NRXN1: variants seen among roughly 807,000 people sequenced by gnomAD.
NRXN1 encodes the protein neurexin 1.
In NRXN1, 39 loss-of-function variants were observed where a neutral mutation model predicts 150.9. The observed-to-expected ratio is 0.26, with a 90% CI of 0.20 to 0.34. NRXN1 has a LOEUF of 0.34. Ranked by LOEUF, NRXN1 falls within the 10% of genes least tolerant of loss-of-function variation. The pLI is 1.00. For synonymous variants in NRXN1, 924 were observed against 757.0 expected, an observed-to-expected ratio of 1.22 and a Z score of -3.62; for missense variants, 1,815 against 1,949.9, an observed-to-expected ratio of 0.93 and a Z score of 1.30.
At chr2:50,225,945 T>C (rs1019844424) in intron 18 of NRXN1, among the ~76,000 whole-genome samples, 3 of 151,978 alleles carry the variant, frequency 2.0e-5, no homozygotes, top group African/African-American at 2.4e-5. Context: ...ATGTGATATG[T>C]GGTATACTAA....
intron 22 of NRXN1, among the ~76,000 whole-genome samples, chr2:49,927,551 A>T (rs890912833): frequency 1.3e-5 from 2 of 152,194 alleles, no homozygotes; most frequent in African/African-American, 4.8e-5. Context: ...AATGTTAATA[A>T]ATTTTTCCAA....
intron 21 of NRXN1, among the ~76,000 whole-genome samples, chr2:50,001,447 G>C (rs557020963): frequency 6.6e-6 from 1 of 152,126 alleles, no homozygotes; most frequent in South Asian, 2.1e-4. Flanking sequence ...AGTATGTAAA[G>C]CATTTAGGGG....
At chr2:49,962,676 G>A (rs981055752) in intron 21 of NRXN1, among the ~76,000 whole-genome samples, 1 of 152,060 alleles carries the variant, frequency 6.6e-6, no homozygotes, top group South Asian at 2.1e-4. Context: ...TGATTGTGGT[G>A]GTGGTTACAA....
At chr2:50,981,841 GTA>G (rs1387637369) in intron 2 of NRXN1, among the ~76,000 whole-genome samples, 156 of 113,936 alleles carry the variant, frequency 1.4e-3, no homozygotes, top group East Asian at 6.1e-3. Flanking sequence ...GTGTGTGTGT[GTA>G]TGTGTGTGTG....
intron 5 of NRXN1, chr2:50,656,271 C>T (rs1411717041): frequency 5.9e-6 from 4 of 673,960 alleles, no homozygotes; most frequent in Middle Eastern, 3.5e-4. Flanking sequence ...TCAAAACCCA[C>T]CCATGAGAAA....
chr2:50,008,249 C>G lies in NRXN1; in HGVS notation c.4128+45022G>C, dbSNP rs181720084. On this transcript the variant is annotated intron_variant, in intron 21 of 22. Transcript: ENST00000401669. ...ATCTCCTAAGCAAGAGTGATTGGAC[C>G]CATGATGAATTCAGTTTCTAATGAA... 4.6e-3 allele frequency among the ~76,000 whole-genome samples: 706 copies of G among 152,104 alleles called. 29 individuals are homozygous for G. The highest frequency in any genetic ancestry group is 0.041 in the Admixed American group (626 of 15,264).
intron 21 of NRXN1, among the ~76,000 whole-genome samples, chr2:50,008,127 C>T (rs570864381): frequency 6.5e-4 from 99 of 152,194 alleles, no homozygotes; most frequent in African/African-American, 2.3e-3. Context: ...TTATTAATTT[C>T]GTCTCCCCAA....
intron 21 of NRXN1, among the ~76,000 whole-genome samples, chr2:50,012,090 TCCC>T (rs1211835049): frequency 1.1e-4 from 16 of 152,034 alleles, no homozygotes; most frequent in African/African-American, 2.4e-5. Flanking sequence ...TTCTGGATTT[TCCC>T]CCCATCTTCA....
At chr2:50,930,230 T>C (rs13033016) in intron 2 of NRXN1, among the ~76,000 whole-genome samples, 3 of 151,874 alleles carry the variant, frequency 2.0e-5, no homozygotes, top group Non-Finnish European at 4.4e-5. Context: ...GAATAAAAAA[T>C]GTATCTCTAA....
chr2:50,412,039 T>C (rs1192687235), intron 17 of NRXN1, among the ~76,000 whole-genome samples: 3 of 152,200 alleles, frequency 2.0e-5, no homozygotes, highest in African/African-American at 7.2e-5. Context: ...CTCTGAAACA[T>C]GTGCTGTGTC....
At chr2:50,659,672 T>A (rs1185900496) in intron 5 of NRXN1, among the ~76,000 whole-genome samples, 1 of 151,744 alleles carries the variant, frequency 6.6e-6, no homozygotes, top group African/African-American at 2.4e-5. Flanking sequence ...TTCATTTATA[T>A]TTTTCTGCAA....
intron 4 of NRXN1, 162 bp downstream of exon 4, chr2:50,922,496 A>C: frequency 1.3e-6 from 1 of 763,074 alleles, no homozygotes. Context: ...CGAACAAAGA[A>C]ATGGAAGAAA....
chr2:50,419,988 G>A lies in NRXN1; in HGVS notation c.3364+45454C>T, dbSNP rs116793079. Reference sequence around the variant, plus strand: ...ACACGTGATCTGGCCAGCCTTACACGTGTAATGAAAATCTAAATTAAAGAG... The same window carrying A: ...ACACGTGATCTGGCCAGCCTTACACATGTAATGAAAATCTAAATTAAAGAG... On this transcript the variant is annotated intron_variant, in intron 17 of 22. Coordinates refer to ENST00000401669, the MANE Select transcript of NRXN1 (RefSeq NM_001330078.2). Among the ~76,000 whole-genome samples, 1,054 of 152,046 alleles carry A rather than the reference G, an allele frequency of 6.9e-3. 14 individuals are homozygous for A. The highest frequency in any genetic ancestry group is 0.025 in the African/African-American group (1,019 of 41,500).
At chr2:50,546,913 C>T (rs529808857) in intron 9 of NRXN1, among the ~76,000 whole-genome samples, 1 of 152,228 alleles carries the variant, frequency 6.6e-6, no homozygotes, top group South Asian at 2.1e-4. Flanking sequence ...AGTCAGAGGG[C>T]AAGTTCAAAC....
intron 21 of NRXN1, among the ~76,000 whole-genome samples, chr2:50,037,262 GCTT>G (rs1690186100): frequency 6.6e-6 from 1 of 151,646 alleles, no homozygotes; most frequent in Non-Finnish European, 1.5e-5. Context: ...CAGTTTCTGG[GCTT>G]CTTTTTAGCA....
chr2:50,166,029 A>G (rs1244536034), intron 18 of NRXN1, among the ~76,000 whole-genome samples: 1 of 152,078 alleles, frequency 6.6e-6, no homozygotes, highest in African/African-American at 2.4e-5. Flanking sequence ...ATATGACAAT[A>G]TATCTCACCA....
At chr2:50,855,565 T>C (rs1293835407) in intron 5 of NRXN1, among the ~76,000 whole-genome samples, 2 of 152,044 alleles carry the variant, frequency 1.3e-5, no homozygotes, top group Admixed American at 1.3e-4. Flanking sequence ...TGCCAGAGGT[T>C]GAGAAATGAC....
At chr2:50,501,786 T>C (rs1449387405) in intron 13 of NRXN1, among the ~76,000 whole-genome samples, 1 of 152,198 alleles carries the variant, frequency 6.6e-6, no homozygotes, top group Non-Finnish European at 1.5e-5. Context: ...TGGGCTTCTC[T>C]GCTGGCAAAT....
At chr2:50,098,830 GTTTTTTTTTTTTTTTTTTTTTTTTT>G (rs746736925) in intron 18 of NRXN1, among the ~76,000 whole-genome samples, 42 of 105,552 alleles carry the variant, frequency 4.0e-4, no homozygotes, top group South Asian at 1.0e-3. Context: ...TTTGGTTTTA[GTTTTTTTTTTTTTTTTTTTTTTTTT>G]TTTTTTTTTT....
Sources: allele counts gnomAD v4.1 joint callset (sites outside exome capture counted in the v4.1 genomes callset), GRCh38; gene constraint gnomAD v4.1.1; transcripts MANE v1.5; gene names NCBI Gene and HGNC (gene_info 2026-07-23, HGNC 2026-07-21).